SNX29: variants seen among roughly 807,000 people sequenced by gnomAD.
The protein encoded by SNX29 is sorting nexin 29.
In SNX29, 78 loss-of-function variants were observed where a neutral mutation model predicts 102.1. The observed-to-expected ratio is 0.76, with a 90% CI of 0.64 to 0.92. The LOEUF is 0.92. Ranked by LOEUF, SNX29 falls within the 40% of genes least tolerant of loss-of-function variation. SNX29 has a pLI of 0.00. For synonymous variants in SNX29, 580 were observed against 414.5 expected, an observed-to-expected ratio of 1.40 and a Z score of -4.85; for missense variants, 1,280 against 1,061.7, an observed-to-expected ratio of 1.21 and a Z score of -2.86.
chr16:12,332,526 C>T (rs1293396589), intron 15 of SNX29, among the ~76,000 whole-genome samples: 2 of 152,122 alleles, frequency 1.3e-5, no homozygotes, highest in Admixed American at 6.5e-5. Flanking sequence ...CCCCCGTCCT[C>T]GTCATATTGA....
At chr16:12,183,076 T>G (rs539139522) in intron 13 of SNX29, among the ~76,000 whole-genome samples, 76 of 152,250 alleles carry the variant, frequency 5.0e-4, no homozygotes, top group African/African-American at 1.8e-3. Context: ...CATAGCTCAC[T>G]GCAGCTGCAG....
At chr16:12,119,717 T>G (rs1201738567) in intron 11 of SNX29, among the ~76,000 whole-genome samples, 1 of 151,992 alleles carries the variant, frequency 6.6e-6, no homozygotes, top group Non-Finnish European at 1.5e-5. Context: ...CACTGCCCGC[T>G]TGGGGGGACA....
intron 3 of SNX29, among the ~76,000 whole-genome samples, chr16:12,013,842 G>GC (rs964222923): frequency 2.7e-5 from 4 of 150,896 alleles, no homozygotes; most frequent in African/African-American, 9.8e-5. Flanking sequence ...AGTAGAGATG[G>GC]GTTTCACCGT....
chr16:12,534,801 C>T (rs1047361888), intron 20 of SNX29, among the ~76,000 whole-genome samples: 1 of 152,152 alleles, frequency 6.6e-6, no homozygotes, highest in African/African-American at 2.4e-5. Flanking sequence ...GGCAATTTTG[C>T]CTTACTCCCC....
intron 14 of SNX29, among the ~76,000 whole-genome samples, chr16:12,217,265 C>T (rs531603283): frequency 7.0e-4 from 107 of 152,338 alleles, no homozygotes; most frequent in East Asian, 3.9e-4. Context: ...AGCAGTCCTC[C>T]TGCCTTGGCC....
At chr16:12,549,261 T>C (rs2077808830) in intron 20 of SNX29, among the ~76,000 whole-genome samples, 1 of 152,186 alleles carries the variant, frequency 6.6e-6, no homozygotes, top group East Asian at 1.9e-4. Flanking sequence ...TTTGGGAGGC[T>C]GAGGTGGTAG....
At chr16:12,089,323 C>T (rs943384170) in intron 11 of SNX29, among the ~76,000 whole-genome samples, 2 of 151,078 alleles carry the variant, frequency 1.3e-5, no homozygotes, top group African/African-American at 4.9e-5. Context: ...AGAGCAAGAC[C>T]GTCTCAAAAA....
Position 12,039,621 on chromosome 16 carries a change from A to C in SNX29, c.248-3276A>C, listed in dbSNP as rs566856449. On this transcript the variant is annotated intron_variant, in intron 4 of 20. Transcript: ENST00000566228. The stretch of plus-strand genomic sequence containing the variant: ...GTTCAAAGCCTTTGTCACATTTCAG[A>C]GGGGACTGTGAGCCTGTTTAGGTCC... Among the ~76,000 whole-genome samples the C allele has an allele frequency of 3.3e-5, 5 of 152,252 alleles. No homozygotes were observed. In the East Asian group the frequency reaches 9.6e-4, roughly 29 times the overall value.
chr16:12,562,192 C>T (rs535698619), intron 20 of SNX29, among the ~76,000 whole-genome samples: 1 of 152,130 alleles, frequency 6.6e-6, no homozygotes, highest in Non-Finnish European at 1.5e-5. Flanking sequence ...GCATAGGGTT[C>T]ACAGAGGAGT....
At chr16:12,541,739 A>G (rs1057257850) in intron 20 of SNX29, among the ~76,000 whole-genome samples, 7 of 151,938 alleles carry the variant, frequency 4.6e-5, no homozygotes, top group Admixed American at 2.6e-4. Flanking sequence ...TCTTTTCCGT[A>G]CTGTGCCAGC....
At chr16:12,440,885 G>A (rs573107422) in intron 18 of SNX29, among the ~76,000 whole-genome samples, 56 of 152,114 alleles carry the variant, frequency 3.7e-4, no homozygotes, top group Non-Finnish European at 7.3e-4. Flanking sequence ...ATTGTGAATA[G>A]TACTGCAGTG....
Position 12,571,649 on chromosome 16 carries a change from A to T in SNX29, c.*3020A>T, listed in dbSNP as rs1408726259. 2 of 1,059,004 alleles carry T rather than the reference A, an allele frequency of 1.9e-6. No homozygotes were observed. Among genetic ancestry groups the T allele is most frequent in the East Asian group, 5.2e-5 (1 of 19,362 alleles). The allele number at this position is 1,059,004 out of a possible 1,614,324, so 65.6% of individuals were successfully genotyped here. A position where few individuals can be genotyped will look rare whatever the true frequency, so the allele number is the denominator to read the frequency against. ...TTTTTTCTCCCCCAGATGAAAGACG[A>T]CTCAGGAACGGTAGGGCTGGGCAGA... On this transcript the variant is annotated 3_prime_UTR_variant, in exon 21 of 21. Coordinates refer to ENST00000566228, the MANE Select transcript of SNX29 (RefSeq NM_032167.5).
intron 16 of SNX29, among the ~76,000 whole-genome samples, chr16:12,361,566 C>A (rs1458150687): frequency 6.6e-6 from 1 of 152,094 alleles, no homozygotes; most frequent in Non-Finnish European, 1.5e-5. Flanking sequence ...TTATGATGGC[C>A]ATTTTGCAGA....
intron 14 of SNX29, among the ~76,000 whole-genome samples, chr16:12,202,136 A>G (rs930759512): frequency 3.9e-5 from 6 of 152,194 alleles, no homozygotes; most frequent in East Asian, 1.9e-4. Context: ...GCATTATTAC[A>G]TTCTTGTGTA....
chr16:12,376,795 C>G (rs1038431744), intron 16 of SNX29, among the ~76,000 whole-genome samples: 3 of 150,460 alleles, frequency 2.0e-5, no homozygotes, highest in African/African-American at 7.3e-5. Flanking sequence ...CAGACTGACT[C>G]ACCCTGGCCT....
intron 3 of SNX29, among the ~76,000 whole-genome samples, chr16:12,023,131 A>C (rs925808412): frequency 3.9e-5 from 6 of 151,940 alleles, no homozygotes; most frequent in African/African-American, 1.4e-4. Context: ...TCCTGACCTC[A>C]AGTGATCTAC....
At chr16:12,007,069 A>T (rs189817333) in intron 3 of SNX29, among the ~76,000 whole-genome samples, 128 of 149,410 alleles carry the variant, frequency 8.6e-4, no homozygotes, top group Non-Finnish European at 1.6e-3. Context: ...GGCTGAGTTT[A>T]AAAAAAAAAA....
chr16:12,538,090 A>G (rs2077158672), intron 20 of SNX29, among the ~76,000 whole-genome samples: 1 of 151,226 alleles, frequency 6.6e-6, no homozygotes, highest in Non-Finnish European at 1.5e-5. Context: ...TGGGCTAAGC[A>G]AATTCACAGC....
At chr16:12,265,535 C>A (rs2078901743) in intron 14 of SNX29, among the ~76,000 whole-genome samples, 1 of 151,984 alleles carries the variant, frequency 6.6e-6, no homozygotes, top group Non-Finnish European at 1.5e-5. Flanking sequence ...AAAAAGAGGG[C>A]AGGCTCTCAC....
Sources: gnomAD v4.1 joint callset for allele counts (sites outside exome capture counted in the v4.1 genomes callset) on GRCh38, gnomAD v4.1.1 for gene constraint, MANE v1.5 for transcripts, NCBI Gene and HGNC (gene_info 2026-07-23, HGNC 2026-07-21) for gene names.